SLC24A2: variants seen among roughly 807,000 people sequenced by gnomAD.
SLC24A2 encodes solute carrier family 24 member 2, also known as sodium/potassium/calcium exchanger 2.
SLC24A2 carries 36 observed loss-of-function variants against 62.0 expected under a neutral mutation model. That is an observed-to-expected ratio of 0.58 (90% CI 0.44 to 0.77). The LOEUF is 0.77. SLC24A2 is among the 30% of genes least tolerant of loss of function. SLC24A2 has a pLI of 0.00. For synonymous variants in SLC24A2, 358 were observed against 294.0 expected (o/e 1.22, Z -2.23); for missense variants, 846 against 817.9 (o/e 1.03, Z -0.42).
At chr9:19,521,181 A>G (rs1275210551) in intron 9 of SLC24A2, 121 bp from the exon 10 acceptor site, 5 of 857,322 alleles carry the variant, frequency 5.8e-6, no homozygotes, top group African/African-American at 1.7e-5. Flanking sequence ...CAAAGTGCTG[A>G]GATGATAAAG....
the SLC24A2 span, among the ~76,000 whole-genome samples, chr9:20,279,563 A>G: frequency 6.6e-6 from 1 of 152,158 alleles, no homozygotes; most frequent in Non-Finnish European, 1.5e-5. Flanking sequence ...AATAAAGGCT[A>G]TTTTTTAAAA....
At chr9:19,566,067 T>A (rs996200578) in intron 7 of SLC24A2, among the ~76,000 whole-genome samples, 2 of 152,192 alleles carry the variant, frequency 1.3e-5, no homozygotes, top group African/African-American at 4.8e-5. Context: ...AAGGACTTCA[T>A]GTCTAAAACA....
chr9:19,600,280 T>C (rs1836808790), intron 4 of SLC24A2, among the ~76,000 whole-genome samples: 1 of 152,208 alleles, frequency 6.6e-6, no homozygotes, highest in African/African-American at 2.4e-5. Flanking sequence ...GGAGCCCACG[T>C]TACTGAGATG....
At chr9:20,144,005 C>T in the SLC24A2 span, among the ~76,000 whole-genome samples, 2 of 152,184 alleles carry the variant, frequency 1.3e-5, no homozygotes, top group South Asian at 2.1e-4. Context: ...TCTTCCTCTA[C>T]AAGACAGGGG....
At chr9:19,557,781 A>G (rs1835169975) in intron 7 of SLC24A2, among the ~76,000 whole-genome samples, 1 of 150,658 alleles carries the variant, frequency 6.6e-6, no homozygotes, top group South Asian at 2.1e-4. Context: ...TGAGCCTAAA[A>G]CTAATTTCTA....
the SLC24A2 span, among the ~76,000 whole-genome samples, chr9:20,119,508 C>T: frequency 1.3e-5 from 2 of 151,966 alleles, no homozygotes; most frequent in African/African-American, 4.8e-5. Flanking sequence ...GAGGTAAAGT[C>T]ATAATCATCT....
intron 2 of SLC24A2, among the ~76,000 whole-genome samples, chr9:19,744,780 A>AT (rs1821783938): frequency 6.6e-6 from 1 of 152,134 alleles, no homozygotes; most frequent in Admixed American, 6.6e-5. Flanking sequence ...CTAAACATTC[A>AT]TTTTACTCTG....
intron 7 of SLC24A2, among the ~76,000 whole-genome samples, chr9:19,560,496 C>CACATGCACCA (rs1835336013): frequency 6.6e-6 from 1 of 152,212 alleles, no homozygotes; most frequent in African/African-American, 2.4e-5. Flanking sequence ...CCTCAGGGTG[C>CACATGCACCA]ACATGCACCA....
At chr9:20,276,115 A>C in the SLC24A2 span, among the ~76,000 whole-genome samples, 9 of 152,190 alleles carry the variant, frequency 5.9e-5, no homozygotes, top group African/African-American at 2.2e-4. Context: ...CCTTCCCAAC[A>C]GTCCCCCAAA....
intron 2 of SLC24A2, among the ~76,000 whole-genome samples, chr9:19,738,258 C>T (rs1160732547): frequency 1.3e-5 from 2 of 152,144 alleles, no homozygotes; most frequent in Non-Finnish European, 2.9e-5. Context: ...AACATAAGCA[C>T]AACTTATAAA....
chr9:20,264,020 C>T, the SLC24A2 span, among the ~76,000 whole-genome samples: 2 of 152,130 alleles, frequency 1.3e-5, no homozygotes, highest in African/African-American at 4.8e-5. Flanking sequence ...ATAATTAGCT[C>T]TTGACAAGAG....
intron 7 of SLC24A2, among the ~76,000 whole-genome samples, chr9:19,557,163 C>T (rs1466572781): frequency 6.6e-6 from 1 of 152,170 alleles, no homozygotes; most frequent in Non-Finnish European, 1.5e-5. Context: ...TTCCACACTC[C>T]CCACTTTCCT....
At chr9:19,877,307 A>G in the SLC24A2 span, among the ~76,000 whole-genome samples, 10 of 147,472 alleles carry the variant, frequency 6.8e-5, no homozygotes, top group Non-Finnish European at 1.3e-4. Context: ...GAGAGAGACT[A>G]TGGAGGTCCA....
Position 19,761,467 on chromosome 9 carries a change from T to TTTTATTTTATTTTATTTTATTTTA in SLC24A2, c.930+24469_930+24470insTAAAATAAAATAAAATAAAATAAA, listed in dbSNP as rs147911890. ...GTTGCATAAATGTCATTTTTTAATT[T>TTTTATTTTATTTTATTTTATTTTA]TTTTATTTTATTTTATTTTATTTTA... is the stretch of plus-strand genomic sequence containing the variant. On this transcript the variant is annotated intron_variant, in intron 2 of 10. Coordinates refer to ENST00000341998, the MANE Select transcript of SLC24A2 (RefSeq NM_020344.4). 3.6e-4 allele frequency among the ~76,000 whole-genome samples: 54 copies of TTTTATTTTATTTTATTTTATTTTA among 150,302 alleles called. 1 individual carries two copies. Among genetic ancestry groups the TTTTATTTTATTTTATTTTATTTTA allele is most frequent in the African/African-American group, 1.2e-3 (50 of 41,088 alleles).
At chr9:20,264,447 T>C in the SLC24A2 span, among the ~76,000 whole-genome samples, 137 of 152,284 alleles carry the variant, frequency 9.0e-4, no homozygotes, top group Middle Eastern at 3.4e-3. Flanking sequence ...TCTCCAAAGA[T>C]TCTCCTTAAG....
At chr9:20,114,985 G>T in the SLC24A2 span, among the ~76,000 whole-genome samples, 197 of 152,240 alleles carry the variant, frequency 1.3e-3, 4 homozygotes, top group East Asian at 0.037. Flanking sequence ...TCAAAGAAAG[G>T]CCAGAAGGTT....
the SLC24A2 span, among the ~76,000 whole-genome samples, chr9:20,078,339 G>GT: frequency 7.3e-6 from 1 of 137,378 alleles, no homozygotes; most frequent in Non-Finnish European, 1.5e-5. Flanking sequence ...CCCAACCAGA[G>GT]CAGGTGCCAG....
chr9:19,636,335 C>CT lies in SLC24A2; in HGVS notation c.931-14037dup, dbSNP rs1317040804. Among the ~76,000 whole-genome samples, 42 of 24,034 alleles carry CT rather than the reference C, an allele frequency of 1.7e-3. 1 individual carries two copies. The highest frequency in any genetic ancestry group is 2.2e-3 in the Non-Finnish European group (26 of 11,938). 15.8% of individuals were successfully genotyped at this position (24,034 alleles called of 152,430 possible). ...TTTTCTTTTCTTTCTTTCTTTCTTT[C>CT]TTTCTTTCTTTCTTTCTTTCTTTCT... On this transcript the variant is annotated intron_variant, in intron 2 of 10. Transcript: ENST00000341998.
chr9:19,569,187 T>C (rs979646626), intron 7 of SLC24A2, among the ~76,000 whole-genome samples: 2 of 152,192 alleles, frequency 1.3e-5, no homozygotes, highest in Non-Finnish European at 2.9e-5. Flanking sequence ...CTGTCACATA[T>C]GCTGCTATTG....
Sources: allele counts gnomAD v4.1 joint callset (sites outside exome capture counted in the v4.1 genomes callset), GRCh38; gene constraint gnomAD v4.1.1; transcripts MANE v1.5; gene names NCBI Gene and HGNC (gene_info 2026-07-23, HGNC 2026-07-21).